Variants in GRM5 observed in about 807,000 individuals in gnomAD.
GRM5 encodes glutamate metabotropic receptor 5.
Under a neutral mutation model 83.1 loss-of-function variants are expected in GRM5, and 19 were observed. The observed-to-expected ratio is 0.23, with a 90% CI of 0.16 to 0.34. GRM5 has a LOEUF of 0.34. Among genes scored for constraint, GRM5 ranks in the 10% least tolerant of loss-of-function variants. The probability of loss-of-function intolerance (pLI) is 1.00; values close to 1 mark genes in which losing one functional copy is unlikely to be tolerated. For synonymous variants in GRM5, 675 were observed against 633.6 expected (o/e 1.07, Z -0.98); for missense variants, 1,160 against 1,588.3 (o/e 0.73, Z 4.58).
intron 3 of GRM5, among the ~76,000 whole-genome samples, chr11:88,770,671 G>A (rs1436122493): frequency 6.6e-6 from 1 of 152,074 alleles, no homozygotes; most frequent in Non-Finnish European, 1.5e-5. Context: ...CACCAAAACT[G>A]AACAGAATTT....
At chr11:88,756,867 T>A (rs1321994118) in intron 3 of GRM5, among the ~76,000 whole-genome samples, 1 of 152,050 alleles carries the variant, frequency 6.6e-6, no homozygotes, top group Non-Finnish European at 1.5e-5. Context: ...TGACAGAGAA[T>A]ATGTGAAGAA....
chr11:88,511,379 T>C (rs1941365298), intron 9 of GRM5, among the ~76,000 whole-genome samples: 2 of 152,246 alleles, frequency 1.3e-5, no homozygotes, highest in Admixed American at 1.3e-4. Context: ...GGTAACAGAC[T>C]GCCATTTCTG....
chr11:88,912,915 C>G (rs1418363093), intron 2 of GRM5, among the ~76,000 whole-genome samples: 1 of 152,140 alleles, frequency 6.6e-6, no homozygotes, highest in Non-Finnish European at 1.5e-5. Flanking sequence ...GTTCCCAGGT[C>G]TACATACATG....
intron 2 of GRM5, among the ~76,000 whole-genome samples, chr11:88,983,047 C>A (rs371784876): frequency 6.6e-6 from 1 of 150,540 alleles, no homozygotes; most frequent in Admixed American, 6.6e-5. Context: ...GCCTGGGCAA[C>A]GAGAGCGAAA....
chr11:89,007,098 A>T (rs1347265715), intron 2 of GRM5, among the ~76,000 whole-genome samples: 1 of 152,000 alleles, frequency 6.6e-6, no homozygotes, highest in Admixed American at 6.6e-5. Context: ...CGCCCGGCCC[A>T]AATCATTTTT....
At chr11:88,740,114 G>T (rs999230083) in intron 3 of GRM5, among the ~76,000 whole-genome samples, 1 of 151,900 alleles carries the variant, frequency 6.6e-6, no homozygotes, top group Admixed American at 6.6e-5. Flanking sequence ...TTTTTACTTT[G>T]TAATGGCTAA....
At chr11:88,924,725 T>C (rs1443959154) in intron 2 of GRM5, among the ~76,000 whole-genome samples, 34 of 151,880 alleles carry the variant, frequency 2.2e-4, no homozygotes, top group Admixed American at 2.2e-3. Flanking sequence ...AGTTTAGATA[T>C]CTAATATTAT....
At chr11:88,768,659 ACACCTGAAAGGTCAT>A (rs1942669573) in intron 3 of GRM5, among the ~76,000 whole-genome samples, 11 of 151,938 alleles carry the variant, frequency 7.2e-5, no homozygotes, top group Admixed American at 2.0e-4. Flanking sequence ...AAAAATAGCC[ACACCTGAAAGGTCAT>A]CACACTGGTC....
Position 88,950,506 on chromosome 11 carries a change from AATG to A in GRM5, c.661+96703_661+96705del, listed in dbSNP as rs969098424. Among the ~76,000 whole-genome samples the A allele has an allele frequency of 3.2e-4, 48 of 152,194 alleles. No homozygotes were observed. In the South Asian group the frequency reaches 3.9e-3, roughly 12 times the overall value. On this transcript the variant is annotated intron_variant, in intron 2 of 9. Transcript: ENST00000305447. ...TCTTAAATTTTTGCACTAAAATGTT[AATG>A]ATAAGAATAAAAAAAAACAGAACTA...
chr11:88,645,052 C>A (rs879396683), intron 4 of GRM5, among the ~76,000 whole-genome samples: 1 of 151,976 alleles, frequency 6.6e-6, no homozygotes, highest in Non-Finnish European at 1.5e-5. Flanking sequence ...ATAAACACAC[C>A]CTGATAACCA....
intron 2 of GRM5, among the ~76,000 whole-genome samples, chr11:88,887,560 C>A (rs1284052097): frequency 6.6e-6 from 1 of 152,136 alleles, no homozygotes; most frequent in African/African-American, 2.4e-5. Flanking sequence ...CCATAGCTGG[C>A]AGTCATGCCT....
At chr11:88,694,611 A>G (rs1398187483) in intron 3 of GRM5, among the ~76,000 whole-genome samples, 1 of 152,122 alleles carries the variant, frequency 6.6e-6, no homozygotes, top group Non-Finnish European at 1.5e-5. Flanking sequence ...AACTGAACCA[A>G]AAAATGATAT....
intron 2 of GRM5, among the ~76,000 whole-genome samples, chr11:89,030,497 T>C (rs1185894953): frequency 6.6e-6 from 1 of 152,080 alleles, no homozygotes. Flanking sequence ...TTTAATGTCT[T>C]TGTGCCTTCA....
At chr11:88,600,573 T>C (rs942711940) in intron 5 of GRM5, among the ~76,000 whole-genome samples, 1 of 151,954 alleles carries the variant, frequency 6.6e-6, no homozygotes, top group African/African-American at 2.4e-5. Flanking sequence ...AAACAAAATA[T>C]GTTACAATAA....
At chr11:88,884,026 GT>G (rs1666883189) in intron 2 of GRM5, among the ~76,000 whole-genome samples, 1 of 152,142 alleles carries the variant, frequency 6.6e-6, no homozygotes, top group Non-Finnish European at 1.5e-5. Flanking sequence ...CCCACACAGA[GT>G]CCCCACTAGG....
At position 88,510,670 on chromosome 11, in the gene GRM5, C is replaced by A. The variant is rs570460443; in HGVS notation, c.2727-1166G>T. On this transcript the variant is annotated intron_variant, in intron 9 of 9. Coordinates refer to ENST00000305447, the MANE Select transcript of GRM5 (RefSeq NM_001143831.3). ...AAGCTGGGATTGTAGGCATGCGCCA[C>A]CACGCCCAGCTAATTTTGTATTTTT... Among the ~76,000 whole-genome samples, 6 of 152,338 alleles carry A rather than the reference C, an allele frequency of 3.9e-5. No homozygotes were observed. The South Asian group carries it at 1.2e-3, about 32-fold the overall frequency.
intron 3 of GRM5, among the ~76,000 whole-genome samples, chr11:88,798,825 A>AAAAAAAAAAAAAAAAAAAAAC (rs777932007): frequency 2.1e-5 from 3 of 145,306 alleles, no homozygotes; most frequent in Admixed American, 7.7e-5. Context: ...AAAAAAAAAA[A>AAAAAAAAAAAAAAAAAAAAAC]AACAACAACA....
chr11:88,613,513 T>G (rs1938384841), intron 4 of GRM5, among the ~76,000 whole-genome samples: 1 of 152,196 alleles, frequency 6.6e-6, no homozygotes, highest in Non-Finnish European at 1.5e-5. Context: ...CCCCTGCAGT[T>G]TTTTGTTTTC....
At chr11:88,942,678 T>C (rs140614136) in intron 2 of GRM5, among the ~76,000 whole-genome samples, 1 of 151,998 alleles carries the variant, frequency 6.6e-6, no homozygotes, top group South Asian at 2.1e-4. Flanking sequence ...AGAGCTTTCA[T>C]TTGATAATAT....
Sources: gnomAD v4.1 joint callset for allele counts (sites outside exome capture counted in the v4.1 genomes callset) on GRCh38, gnomAD v4.1.1 for gene constraint, MANE v1.5 for transcripts, NCBI Gene and HGNC (gene_info 2026-07-23, HGNC 2026-07-21) for gene names.